The following KCNB2 variants were observed in gnomAD, a reference collection of about 807,000 sequenced individuals.
The protein encoded by KCNB2 is delayed rectifier potassium channel protein.
KCNB2 carries 15 observed loss-of-function variants against 61.5 expected under a neutral mutation model. The ratio of observed to expected loss-of-function variants is 0.24; its 90% CI spans 0.16 to 0.38. The LOEUF (loss-of-function observed/expected upper bound fraction) is 0.38. KCNB2 is among the 10% of genes least tolerant of loss of function. The pLI is 1.00. For missense variants in KCNB2, 828 were observed against 1,125.2 expected (o/e 0.74, Z 3.78); for synonymous variants, 457 against 446.0 (o/e 1.02, Z -0.31).
At chr8:72,885,471 G>T (rs1182627113) in intron 2 of KCNB2, among the ~76,000 whole-genome samples, 6 of 152,048 alleles carry the variant, frequency 3.9e-5, no homozygotes, top group Non-Finnish European at 8.8e-5. Flanking sequence ...TACTGATTCA[G>T]TTTATTTAAT....
At chr8:72,779,233 G>A (rs1199884048) in intron 2 of KCNB2, among the ~76,000 whole-genome samples, 4 of 152,166 alleles carry the variant, frequency 2.6e-5, no homozygotes, top group Admixed American at 1.3e-4. Flanking sequence ...ATAGTGCAGC[G>A]TTTCTTTCAC....
intron 2 of KCNB2, among the ~76,000 whole-genome samples, chr8:72,659,040 A>G (rs1367419623): frequency 5.3e-5 from 8 of 152,152 alleles, no homozygotes; most frequent in Non-Finnish European, 7.4e-5. Flanking sequence ...TTTGACTTCC[A>G]AGTTTTATTA....
chr8:72,832,138 T>C (rs1362228468), intron 2 of KCNB2, among the ~76,000 whole-genome samples: 3 of 152,220 alleles, frequency 2.0e-5, no homozygotes, highest in African/African-American at 2.4e-5. Flanking sequence ...TAATGTATGC[T>C]GTAGGAGTGA....
intron 2 of KCNB2, among the ~76,000 whole-genome samples, chr8:72,665,812 C>A (rs1488786445): frequency 2.0e-5 from 3 of 151,810 alleles, no homozygotes; most frequent in African/African-American, 7.3e-5. Context: ...GAAAAGCAAC[C>A]ATAGCCCCAG....
chr8:72,662,105 G>A (rs949553557), intron 2 of KCNB2, among the ~76,000 whole-genome samples: 1 of 152,136 alleles, frequency 6.6e-6, no homozygotes, highest in Admixed American at 6.5e-5. Context: ...AACTTCCAAT[G>A]ATTAAACATC....
At chr8:72,906,074 G>A (rs1209943409) in intron 2 of KCNB2, among the ~76,000 whole-genome samples, 1 of 152,186 alleles carries the variant, frequency 6.6e-6, no homozygotes, top group African/African-American at 2.4e-5. Context: ...CAAGCAGCTC[G>A]AAAGCTGCCA....
intron 2 of KCNB2, among the ~76,000 whole-genome samples, chr8:72,611,702 C>T (rs971159921): frequency 2.0e-5 from 3 of 152,122 alleles, no homozygotes; most frequent in Non-Finnish European, 4.4e-5. Flanking sequence ...TTCATAGCAC[C>T]TTTTAAGTGT....
intron 2 of KCNB2, among the ~76,000 whole-genome samples, chr8:72,791,018 G>A (rs936984655): frequency 6.6e-6 from 1 of 152,104 alleles, no homozygotes; most frequent in Admixed American, 6.5e-5. Context: ...AGACTGGCTT[G>A]GGGAAAAAAC....
At chr8:72,752,477 C>A (rs1349148640) in intron 2 of KCNB2, among the ~76,000 whole-genome samples, 2 of 152,156 alleles carry the variant, frequency 1.3e-5, no homozygotes, top group East Asian at 3.9e-4. Flanking sequence ...ATTTGTCCTT[C>A]TTTTCTCCCT....
At chr8:72,764,843 G>A (rs919587241) in intron 2 of KCNB2, among the ~76,000 whole-genome samples, 2 of 152,160 alleles carry the variant, frequency 1.3e-5, no homozygotes, top group African/African-American at 4.8e-5. Flanking sequence ...CTCAACGGAA[G>A]CATAGACCAG....
chr8:72,855,296 C>T lies in KCNB2; in HGVS notation c.580-80639C>T, dbSNP rs185748054. Among the ~76,000 whole-genome samples, 14 of 152,304 alleles carry T rather than the reference C, an allele frequency of 9.2e-5. No individual in the cohort carries two copies. The East Asian group carries it at 2.7e-3, about 29-fold the overall frequency. On this transcript the variant is annotated intron_variant, in intron 2 of 2. Coordinates refer to ENST00000523207, the MANE Select transcript of KCNB2 (RefSeq NM_004770.3). ...TTGCATAGAGAGATCTTCAAGACTG[C>T]ACTCTCTTCACCCCCATCTCACATT...
At chr8:72,753,832 C>G (rs1251507517) in intron 2 of KCNB2, among the ~76,000 whole-genome samples, 1 of 152,148 alleles carries the variant, frequency 6.6e-6, no homozygotes, top group Admixed American at 6.5e-5. Flanking sequence ...CAAAAATTAG[C>G]CTTAGAAACT....
intron 2 of KCNB2, among the ~76,000 whole-genome samples, chr8:72,625,605 A>AT (rs1220930277): frequency 2.0e-5 from 3 of 151,442 alleles, no homozygotes; most frequent in African/African-American, 4.9e-5. Flanking sequence ...TTATTTTTGT[A>AT]TTTTTTCTAG....
At chr8:72,776,657 C>G (rs137934563) in intron 2 of KCNB2, among the ~76,000 whole-genome samples, 1,862 of 152,208 alleles carry the variant, frequency 0.012, 30 homozygotes, top group African/African-American at 0.041. Flanking sequence ...GAGGGCTAGG[C>G]CTGAGGCAGA....
intron 2 of KCNB2, among the ~76,000 whole-genome samples, chr8:72,848,054 GTTTC>G (rs1259180234): frequency 2.0e-5 from 3 of 152,138 alleles, no homozygotes; most frequent in Non-Finnish European, 4.4e-5. Context: ...TTTCATGTGT[GTTTC>G]TTCCTGCATT....
chr8:72,587,894 T>C (rs1313262436), intron 2 of KCNB2, among the ~76,000 whole-genome samples: 2 of 152,244 alleles, frequency 1.3e-5, no homozygotes, highest in African/African-American at 2.4e-5. Context: ...CATGTGTCCA[T>C]GAGCTGCAGC....
chr8:72,893,431 A>G (rs1165644103), intron 2 of KCNB2, among the ~76,000 whole-genome samples: 1 of 152,164 alleles, frequency 6.6e-6, no homozygotes, highest in Non-Finnish European at 1.5e-5. Flanking sequence ...ACTTCTACCT[A>G]TTTTAATAAA....
chr8:72,542,051 A>G (rs1806196151), intron 1 of KCNB2, among the ~76,000 whole-genome samples: 1 of 152,138 alleles, frequency 6.6e-6, no homozygotes, highest in African/African-American at 2.4e-5. Flanking sequence ...AGTCTCTAGA[A>G]TGCATTTATT....
At chr8:72,564,204 T>C (rs1335568037) in intron 1 of KCNB2, among the ~76,000 whole-genome samples, 2 of 152,152 alleles carry the variant, frequency 1.3e-5, no homozygotes, top group Non-Finnish European at 2.9e-5. Flanking sequence ...TTAAGACAAA[T>C]AGTGACCTTA....
Sources: allele counts gnomAD v4.1 joint callset (sites outside exome capture counted in the v4.1 genomes callset), GRCh38; gene constraint gnomAD v4.1.1; transcripts MANE v1.5; gene names NCBI Gene and HGNC (gene_info 2026-07-23, HGNC 2026-07-21).